LHFPL6: variants seen among roughly 807,000 people sequenced by gnomAD.
LHFPL6 encodes LHFPL tetraspan subfamily member 6 protein.
Under a neutral mutation model 20.6 loss-of-function variants are expected in LHFPL6, and 9 were observed. That is an observed-to-expected ratio of 0.44 (90% CI 0.26 to 0.76). LHFPL6 has a LOEUF of 0.76. LHFPL6 is among the 30% of genes least tolerant of loss of function. The pLI, the probability that LHFPL6 is intolerant of heterozygous loss-of-function variation, is 0.20. For synonymous variants in LHFPL6, 105 were observed against 98.7 expected (o/e 1.06, Z -0.38); for missense variants, 218 against 253.5 (o/e 0.86, Z 0.95).
chr13:39,489,692 A>G (rs750041573), intron 2 of LHFPL6, among the ~76,000 whole-genome samples: 2 of 151,848 alleles, frequency 1.3e-5, no homozygotes, highest in Non-Finnish European at 2.9e-5. Context: ...AGCTGGGACT[A>G]CAGGCACGCA....
intron 2 of LHFPL6, among the ~76,000 whole-genome samples, chr13:39,544,017 T>C (rs887435637): frequency 6.6e-6 from 1 of 152,234 alleles, no homozygotes; most frequent in Admixed American, 6.5e-5. Flanking sequence ...AAAACTATCA[T>C]AGACTTTTAT....
At chr13:39,438,289 C>G (rs1157492645) in intron 2 of LHFPL6, among the ~76,000 whole-genome samples, 2 of 152,156 alleles carry the variant, frequency 1.3e-5, no homozygotes, top group African/African-American at 4.8e-5. Context: ...ATTCCACTAT[C>G]CAGTGGAAGA....
chr13:39,563,733 C>A (rs1871621166), intron 2 of LHFPL6, among the ~76,000 whole-genome samples: 1 of 152,052 alleles, frequency 6.6e-6, no homozygotes, highest in Non-Finnish European at 1.5e-5. Context: ...TTTATTAATC[C>A]ATTGTCATGT....
intron 2 of LHFPL6, among the ~76,000 whole-genome samples, chr13:39,543,026 T>A (rs1210852183): frequency 1.3e-5 from 2 of 152,140 alleles, no homozygotes; most frequent in Non-Finnish European, 2.9e-5. Flanking sequence ...GTTCCCCTCT[T>A]CCTCCAGCCC....
chr13:39,528,912 G>A (rs1870373864), intron 2 of LHFPL6, among the ~76,000 whole-genome samples: 1 of 152,054 alleles, frequency 6.6e-6, no homozygotes, highest in African/African-American at 2.4e-5. Context: ...AATGTATATG[G>A]CTTGATTTTC....
chr13:39,588,445 T>C (rs1872516096), intron 2 of LHFPL6, among the ~76,000 whole-genome samples: 1 of 152,228 alleles, frequency 6.6e-6, no homozygotes, highest in South Asian at 2.1e-4. Context: ...ATATTACAAG[T>C]AAATAGGGCC....
chr13:39,570,431 A>G (rs1871878176), intron 2 of LHFPL6, among the ~76,000 whole-genome samples: 1 of 152,154 alleles, frequency 6.6e-6, no homozygotes. Context: ...GGCATAAGCC[A>G]CCACGCCTGG....
chr13:39,537,154 C>T (rs190863199), intron 2 of LHFPL6, among the ~76,000 whole-genome samples: 19 of 152,300 alleles, frequency 1.2e-4, no homozygotes, highest in Admixed American at 8.5e-4. Context: ...TTCACTCTAG[C>T]GCTCCTCTTG....
intron 2 of LHFPL6, among the ~76,000 whole-genome samples, chr13:39,489,268 ATACT>A (rs1868832411): frequency 6.6e-6 from 1 of 152,162 alleles, no homozygotes; most frequent in African/African-American, 2.4e-5. Context: ...TGCACAGCTG[ATACT>A]TTCTTCTTTT....
rs1010205689 is a variant in LHFPL6, at chr13:39,586,598, CATTCATCT to C, written c.385+14226_385+14233del. ...ATATAAAATTACTGAGATATTCATT[CATTCATCT>C]ATTCATCTAAAAATATTCATTGTGA... On this transcript the variant is annotated intron_variant, in intron 2 of 3. Coordinates refer to ENST00000379589, the MANE Select transcript of LHFPL6 (RefSeq NM_005780.3). 3.8e-4 allele frequency among the ~76,000 whole-genome samples: 58 copies of C among 152,264 alleles called. 1 individual carries two copies. Among genetic ancestry groups the C allele is most frequent in the African/African-American group, 1.3e-3 (53 of 41,544 alleles).
At chr13:39,601,769 TG>T (rs1872956320) in intron 1 of LHFPL6, among the ~76,000 whole-genome samples, 1 of 152,252 alleles carries the variant, frequency 6.6e-6, no homozygotes, top group African/African-American at 2.4e-5. Context: ...TTCCATTTTT[TG>T]GCTTGCAAGT....
At chr13:39,441,252 T>C (rs960412666) in intron 2 of LHFPL6, among the ~76,000 whole-genome samples, 1 of 151,010 alleles carries the variant, frequency 6.6e-6, no homozygotes, top group Admixed American at 6.6e-5. Flanking sequence ...TCCCAAAGTG[T>C]TGGTATTATA....
chr13:39,434,970 G>A (rs1236296432), intron 2 of LHFPL6, among the ~76,000 whole-genome samples: 1 of 150,414 alleles, frequency 6.6e-6, no homozygotes, highest in African/African-American at 2.4e-5. Context: ...GCAGGAGAAT[G>A]GCGTGAACCC....
chr13:39,476,792 C>T (rs1021880123), intron 2 of LHFPL6, among the ~76,000 whole-genome samples: 1 of 152,176 alleles, frequency 6.6e-6, no homozygotes, highest in African/African-American at 2.4e-5. Context: ...TGTGAGGAGC[C>T]TCCTCCCTTC....
intron 2 of LHFPL6, among the ~76,000 whole-genome samples, chr13:39,495,180 A>G (rs1171573433): frequency 6.6e-6 from 1 of 152,230 alleles, no homozygotes; most frequent in African/African-American, 2.4e-5. Flanking sequence ...TTTTCCAAGT[A>G]CATTCGCTAT....
At chr13:39,389,128 G>C (rs1288637567) in intron 2 of LHFPL6, among the ~76,000 whole-genome samples, 1 of 152,140 alleles carries the variant, frequency 6.6e-6, no homozygotes, top group Non-Finnish European at 1.5e-5. Context: ...TGTCTGAATG[G>C]AGACAACGAT....
chr13:39,484,328 T>C (rs1337556368), intron 2 of LHFPL6, among the ~76,000 whole-genome samples: 5 of 152,190 alleles, frequency 3.3e-5, no homozygotes, highest in African/African-American at 9.6e-5. Context: ...CTCCAGTGAA[T>C]AGATGTCATG....
intron 2 of LHFPL6, among the ~76,000 whole-genome samples, chr13:39,439,882 T>C (rs60449688): frequency 1.1e-3 from 168 of 152,318 alleles, no homozygotes; most frequent in African/African-American, 3.9e-3. Context: ...GTACAGCCTG[T>C]AGAACTGTGA....
chr13:39,418,948 A>G (rs963476047), intron 2 of LHFPL6, among the ~76,000 whole-genome samples: 1 of 152,214 alleles, frequency 6.6e-6, no homozygotes, highest in Non-Finnish European at 1.5e-5. Flanking sequence ...TTGCTGCCCA[A>G]TGATCAGAAT....
Sources: allele counts gnomAD v4.1 joint callset (sites outside exome capture counted in the v4.1 genomes callset), GRCh38; gene constraint gnomAD v4.1.1; transcripts MANE v1.5; gene names NCBI Gene and HGNC (gene_info 2026-07-23, HGNC 2026-07-21).